ELMO1: variants seen among roughly 807,000 people sequenced by gnomAD.
ELMO1 encodes engulfment and cell motility 1, also known as engulfment and cell motility protein 1.
ELMO1 carries 26 observed loss-of-function variants against 98.9 expected under a neutral mutation model. The observed-to-expected ratio is 0.26, with a 90% confidence interval of 0.19 to 0.36. The LOEUF (loss-of-function observed/expected upper bound fraction) is 0.36. ELMO1 is among the 10% of genes least tolerant of loss of function. The pLI is 1.00. For missense variants in ELMO1, 627 were observed against 935.2 expected (o/e 0.67, Z 4.30); for synonymous variants, 346 against 346.0 (o/e 1.00, Z 0.00).
chr7:37,440,200 T>C (rs1263618400), intron 1 of ELMO1, among the ~76,000 whole-genome samples: 3 of 152,046 alleles, frequency 2.0e-5, no homozygotes, highest in Non-Finnish European at 4.4e-5. Context: ...TCACAACACT[T>C]TGGGAGGCCA....
At chr7:36,968,735 A>G (rs115715440) in intron 16 of ELMO1, among the ~76,000 whole-genome samples, 2 of 151,904 alleles carry the variant, frequency 1.3e-5, no homozygotes, top group African/African-American at 4.8e-5. Flanking sequence ...TGATTCTATT[A>G]TTTCTTTTAT....
In ELMO1 at chr7:37,396,115, T is replaced by C. The variant is rs377493665; in HGVS notation, c.-74+52560A>G. Among the ~76,000 whole-genome samples the C allele has an allele frequency of 2.7e-4, 41 of 152,298 alleles. 1 individual carries two copies. The East Asian group carries it at 3.3e-3, about 12-fold the overall frequency. On this transcript the variant is annotated intron_variant, in intron 1 of 21. Transcript: ENST00000310758. ...AATCAACAGTGGACCTTGATTCAGA[T>C]AAACCTTTGCTCTCTTGGTGGTTCT...
chr7:37,401,488 C>T (rs11765499), intron 1 of ELMO1, among the ~76,000 whole-genome samples: 34,763 of 152,062 alleles, frequency 0.23, 4,210 homozygotes, highest in East Asian at 0.43. Flanking sequence ...ACTGCTATAA[C>T]GACATACCCA....
chr7:36,899,935 A>G (rs1437442578), intron 16 of ELMO1, among the ~76,000 whole-genome samples: 5 of 152,074 alleles, frequency 3.3e-5, no homozygotes, highest in Non-Finnish European at 7.4e-5. Context: ...CATATTAGAC[A>G]CTCAACAAAT....
intron 1 of ELMO1, among the ~76,000 whole-genome samples, chr7:37,395,806 G>C (rs1203018828): frequency 6.6e-6 from 1 of 151,538 alleles, no homozygotes; most frequent in African/African-American, 2.4e-5. Flanking sequence ...ATTCAGGGCT[G>C]AGGTAGGAGA....
intron 15 of ELMO1, among the ~76,000 whole-genome samples, chr7:37,052,652 A>G (rs1289292163): frequency 2.6e-5 from 4 of 152,128 alleles, no homozygotes; most frequent in Non-Finnish European, 4.4e-5. Flanking sequence ...CAAATCTCAA[A>G]CCTCTTGCAT....
intron 8 of ELMO1, among the ~76,000 whole-genome samples, chr7:37,229,709 T>C (rs577500599): frequency 3.9e-5 from 6 of 152,176 alleles, no homozygotes; most frequent in Non-Finnish European, 8.8e-5. Flanking sequence ...AAAGTTAACC[T>C]TACAGAAAAG....
At chr7:36,937,834 G>C (rs1397547673) in intron 16 of ELMO1, among the ~76,000 whole-genome samples, 1 of 152,192 alleles carries the variant, frequency 6.6e-6, no homozygotes, top group Non-Finnish European at 1.5e-5. Context: ...AAACAAAAGT[G>C]GAGCTCCTAC....
intron 1 of ELMO1, among the ~76,000 whole-genome samples, chr7:37,403,138 A>G (rs1340875102): frequency 6.6e-6 from 1 of 152,354 alleles, no homozygotes; most frequent in Non-Finnish European, 1.5e-5. Flanking sequence ...TTAGGCCACA[A>G]AAAGACATGG....
rs761854799 is a variant in ELMO1 at position 37,213,374 on chromosome 7, C to T, written c.915G>A (p.Leu305=). ...CCATTTTGGTCATCATCCTGTCTTCCAGGAGGTTAAAGGTGAGCACTTGTA... is the reference window on the plus strand; with the variant it reads ...CCATTTTGGTCATCATCCTGTCTTCTAGGAGGTTAAAGGTGAGCACTTGTA... The part of the protein sequence containing the change: ...YVLQVLTFNL[L]EDRMMTKMDP... Residue 305 remains leucine, a synonymous_variant, in exon 12 of 22, where the codon CTG becomes CTA. Transcript: ENST00000310758. The T allele has an allele frequency of 2.5e-6, 4 of 1,612,798 alleles. No homozygotes were observed. In the South Asian group the frequency reaches 3.3e-5, roughly 13 times the overall value.
chr7:37,413,431 C>T (rs139443933), intron 1 of ELMO1, among the ~76,000 whole-genome samples: 1 of 152,328 alleles, frequency 6.6e-6, no homozygotes, highest in African/African-American at 2.4e-5. Context: ...AAATACCTTA[C>T]ACATAGTGGG....
chr7:36,905,647 A>G (rs1373530428), intron 16 of ELMO1, among the ~76,000 whole-genome samples: 1 of 152,210 alleles, frequency 6.6e-6, no homozygotes, highest in Admixed American at 6.5e-5. Flanking sequence ...CACTCAACTC[A>G]TTGGTATGGC....
chr7:37,205,212 CTCT>C (rs1442159679), intron 13 of ELMO1, among the ~76,000 whole-genome samples: 2 of 152,206 alleles, frequency 1.3e-5, no homozygotes, highest in African/African-American at 2.4e-5. Context: ...GTATAGTAGA[CTCT>C]TCTTATTTGC....
chr7:36,982,344 G>A (rs1383093902), intron 16 of ELMO1, among the ~76,000 whole-genome samples: 1 of 152,150 alleles, frequency 6.6e-6, no homozygotes, highest in East Asian at 1.9e-4. Context: ...TAATAGTTTT[G>A]TAGATACATG....
intron 7 of ELMO1, among the ~76,000 whole-genome samples, chr7:37,233,848 C>T (rs1157789431): frequency 1.3e-5 from 2 of 152,132 alleles, no homozygotes; most frequent in Admixed American, 6.5e-5. Context: ...TCTGGCATAT[C>T]GATGGAGATA....
At chr7:37,373,247 A>T (rs557285136) in intron 1 of ELMO1, among the ~76,000 whole-genome samples, 2 of 152,234 alleles carry the variant, frequency 1.3e-5, no homozygotes, top group Non-Finnish European at 2.9e-5. Context: ...GCGGTAGTTT[A>T]ATCAATTTAC....
intron 16 of ELMO1, among the ~76,000 whole-genome samples, chr7:36,935,613 C>T (rs1681552809): frequency 1.3e-5 from 2 of 152,188 alleles, no homozygotes; most frequent in African/African-American, 4.8e-5. Context: ...CAGGCACCCC[C>T]AGAATTCTCT....
intron 16 of ELMO1, among the ~76,000 whole-genome samples, chr7:36,978,076 C>T (rs1236970398): frequency 1.3e-5 from 2 of 152,146 alleles, no homozygotes; most frequent in Non-Finnish European, 2.9e-5. Flanking sequence ...ATTCAGCAAA[C>T]ATTGATTGTT....
At chr7:37,093,851 A>G (rs1784245835) in intron 15 of ELMO1, among the ~76,000 whole-genome samples, 1 of 152,266 alleles carries the variant, frequency 6.6e-6, no homozygotes, top group Non-Finnish European at 1.5e-5. Context: ...TGGGCTTTGC[A>G]GATGATGGCA....
Sources: gnomAD v4.1 joint callset for allele counts (sites outside exome capture counted in the v4.1 genomes callset) on GRCh38, gnomAD v4.1.1 for gene constraint, MANE v1.5 for transcripts, NCBI Gene and HGNC (gene_info 2026-07-23, HGNC 2026-07-21) for gene names.